Variants in PRAMEF20 observed in about 807,000 individuals in gnomAD.
PRAMEF20 encodes the protein PRAME family member 20/21.
In PRAMEF20, 27 loss-of-function variants were observed where a neutral mutation model predicts 32.4. That is an observed-to-expected ratio of 0.83 (90% CI 0.61 to 1.15). The LOEUF is 1.15. Among genes scored for constraint, PRAMEF20 ranks in the 50% most tolerant of loss-of-function variants. The pLI, the probability that PRAMEF20 is intolerant of heterozygous loss-of-function variation, is 0.00. For missense variants in PRAMEF20, 604 were observed against 584.5 expected (o/e 1.03, Z -0.34); for synonymous variants, 256 against 235.4 (o/e 1.09, Z -0.80).
At chr1:13,417,910 T>G (rs1034520418) in intron 1 of PRAMEF20, among the ~76,000 whole-genome samples, 2,293 of 124,110 alleles carry the variant, frequency 0.018, 168 homozygotes, top group East Asian at 0.026. Flanking sequence ...CCCGGCTAAT[T>G]TGTGTGTGTG....
chr1:13,414,537 C>T (rs1477440060), upstream of PRAMEF20, among the ~76,000 whole-genome samples: 5 of 152,118 alleles, frequency 3.3e-5, no homozygotes, highest in African/African-American at 1.2e-4. Flanking sequence ...CTTCTCACTG[C>T]AACCTCTGCT....
the PRAMEF20 span, among the ~76,000 whole-genome samples, chr1:13,411,340 C>A: frequency 9.2e-5 from 14 of 151,876 alleles, no homozygotes; most frequent in Non-Finnish European, 1.6e-4. Context: ...CCCCTCCCCC[C>A]CACCGCCAAA....
At chr1:13,416,818 C>T (rs1641180063) in intron 1 of PRAMEF20, among the ~76,000 whole-genome samples, 177 bp downstream of exon 2, 1 of 152,150 alleles carries the variant, frequency 6.6e-6, no homozygotes, top group African/African-American at 2.4e-5. Flanking sequence ...CTGCTCATCA[C>T]CCGGGGTCCA....
intron 2 of PRAMEF20, 118 bp downstream of exon 3, chr1:13,418,818 A>G: frequency 6.4e-7 from 1 of 1,555,556 alleles, no homozygotes; most frequent in Non-Finnish European, 8.7e-7. Flanking sequence ...CTAGAATGTC[A>G]GTGCATTTTC....
At chr1:13,416,936 C>G (rs1325811480) in intron 1 of PRAMEF20, among the ~76,000 whole-genome samples, 2 of 152,314 alleles carry the variant, frequency 1.3e-5, no homozygotes, top group Non-Finnish European at 2.9e-5. Context: ...TTTTGGGAGG[C>G]TGAGGCAGGT....
chr1:13,421,042 C>G (rs1557477910), exon 3 of PRAMEF20: 1 of 1,613,954 alleles, frequency 6.2e-7, no homozygotes. Context: ...CAATCAGACT[C>G]AACAACTTAT....
exon 3 of PRAMEF20, chr1:13,420,953 C>A: frequency 6.2e-7 from 1 of 1,613,680 alleles, no homozygotes; most frequent in African/African-American, 1.3e-5. Flanking sequence ...TGCCCTGAGC[C>A]GCTGCTTTGA....
At chr1:13,412,731 T>C (rs1242291686), upstream of PRAMEF20, among the ~76,000 whole-genome samples, 1 of 152,172 alleles carries the variant, frequency 6.6e-6, no homozygotes, top group Non-Finnish European at 1.5e-5. Context: ...TGAGCTTAAT[T>C]TTAAACCAAT....
chr1:13,413,671 T>A (rs1461477624), upstream of PRAMEF20, among the ~76,000 whole-genome samples: 1 of 151,986 alleles, frequency 6.6e-6, no homozygotes, highest in Non-Finnish European at 1.5e-5. Context: ...AGCCAAGGTG[T>A]TTTCTGATTG....
exon 1 of PRAMEF20, chr1:13,416,365 G>C: frequency 1.2e-6 from 2 of 1,612,846 alleles, no homozygotes; most frequent in Non-Finnish European, 1.7e-6. Flanking sequence ...ATGAGCATCC[G>C]GACTCCACCC....
intron 2 of PRAMEF20, 105 bp from the exon 4 acceptor site, chr1:13,420,592 G>A (rs1035328564): frequency 4.6e-6 from 7 of 1,505,700 alleles, no homozygotes; most frequent in Non-Finnish European, 5.5e-6. Flanking sequence ...AATGACCCTG[G>A]GCTTGGGCAA....
exon 1 of PRAMEF20, chr1:13,416,600 C>G: frequency 6.2e-7 from 1 of 1,614,020 alleles, no homozygotes; most frequent in South Asian, 1.1e-5. Context: ...AAGCTGTGCT[C>G]GATGGGCTTG....
Position 13,418,099 on chromosome 1 carries a change from GCCTCTCTTCTATTTTT to G in PRAMEF20, c.288-18_288-3del, listed in dbSNP as rs1641202127. The G allele has an allele frequency of 6.2e-7, 1 of 1,611,698 alleles. No individual in the cohort carries two copies. The highest frequency in any genetic ancestry group is 8.5e-7 in the Non-Finnish European group (1 of 1,179,846). On this transcript the variant is annotated splice_polypyrimidine_tract_variant and splice_region_variant and intron_variant, in intron 1 of 2. Coordinates refer to ENST00000602960, the Ensembl canonical transcript of PRAMEF20. Reference sequence around the variant, plus strand: ...TCAGAAGTGAGTCCTTAAATTCTCAGCCTCTCTTCTATTTTTCCTCAGGAGGTGGAAACTTCAAGTG... The same window carrying G: ...TCAGAAGTGAGTCCTTAAATTCTCAGCCTCAGGAGGTGGAAACTTCAAGTG...
At chr1:13,412,202 G>A (rs1377459215), upstream of PRAMEF20, among the ~76,000 whole-genome samples, 1 of 151,934 alleles carries the variant, frequency 6.6e-6, no homozygotes, top group African/African-American at 2.4e-5. Context: ...ATTTTTAGTA[G>A]AGACAGGAGT....
chr1:13,419,038 AG>A (rs1407915422), intron 2 of PRAMEF20, among the ~76,000 whole-genome samples: 278 of 152,338 alleles, frequency 1.8e-3, no homozygotes, highest in African/African-American at 6.3e-3. Flanking sequence ...CTGTAATCCT[AG>A]CACTTTGGTT....
At chr1:13,421,327 T>C in exon 3 of PRAMEF20, 1 of 1,604,954 alleles carries the variant, frequency 6.2e-7, no homozygotes, top group South Asian at 1.1e-5. Flanking sequence ...AACCTAGGTC[T>C]TTTTGCGCCC....
In PRAMEF20 at chr1:13,418,291, C is replaced by G; in HGVS notation, c.457C>G (p.Leu153Val). ...GCAGCCCTTGACTGTGTTCATAGACCTTTGCCTCAAGAACAGGACTCTGGA... is the reference window on the plus strand; with the variant it reads ...GCAGCCCTTGACTGTGTTCATAGACGTTTGCCTCAAGAACAGGACTCTGGA... Residue 153 changes from leucine to valine, a missense_variant, in exon 2 of 3, where the codon CTT becomes GTT. Leu to Val is a conservative substitution (Grantham distance 32). Coordinates refer to ENST00000602960, the Ensembl canonical transcript of PRAMEF20. 5 of 1,613,848 alleles carry G rather than the reference C, an allele frequency of 3.1e-6. No individual in the cohort carries two copies. In the South Asian group the frequency reaches 4.4e-5, roughly 14 times the overall value.
chr1:13,417,881 A>G (rs886402392), intron 1 of PRAMEF20, among the ~76,000 whole-genome samples: 1,690 of 143,208 alleles, frequency 0.012, 31 homozygotes, highest in African/African-American at 0.041. Context: ...AGCTGGGACT[A>G]CAGGCGCCCG....
At chr1:13,416,214 T>G, upstream of PRAMEF20, 2 of 1,482,692 alleles carry the variant, frequency 1.3e-6, no homozygotes, top group Non-Finnish European at 1.9e-6. Flanking sequence ...CAGAGTAGAA[T>G]TGGAGTAAAC....
Sources: gnomAD v4.1 joint callset for allele counts (sites outside exome capture counted in the v4.1 genomes callset) on GRCh38, gnomAD v4.1.1 for gene constraint, MANE v1.5 for transcripts, NCBI Gene and HGNC (gene_info 2026-07-23, HGNC 2026-07-21) for gene names.